Variants in EHBP1L1 observed in about 807,000 individuals in gnomAD.
EHBP1L1 encodes EH domain binding protein 1 like 1, also known as EH domain-binding protein 1-like protein 1.
In EHBP1L1, 122 loss-of-function variants were observed where a neutral mutation model predicts 151.1. The observed-to-expected ratio is 0.81, with a 90% CI of 0.70 to 0.94. The LOEUF is 0.94. EHBP1L1 is among the 40% of genes least tolerant of loss of function. The pLI is 0.00. For missense variants in EHBP1L1, 1,941 were observed against 1,959.8 expected (o/e 0.99, Z 0.18); for synonymous variants, 878 against 810.1 (o/e 1.08, Z -1.42).
rs1449188552 is a variant in EHBP1L1 at position 65,589,788 on chromosome 11, C to T, written c.3971C>T (p.Pro1324Leu). The change falls in exon 13 of 19, where the codon CCA becomes CTA. Residue 1324 changes from proline to leucine, a missense_variant. Physicochemically the swap from Pro to Leu is moderately conservative, Grantham distance 98 (BLOSUM62 -3). Transcript: ENST00000309295. ...QAPDPSPAPGPPTAADSQQPP... is the reference protein window; with the variant it reads ...QAPDPSPAPGLPTAADSQQPP... ...CCTGACCCCAGCCCTGCCCCAGGCCCACCCACAGCTGCAGACTCTCAACAG... is the reference window on the plus strand; with the variant it reads ...CCTGACCCCAGCCCTGCCCCAGGCCTACCCACAGCTGCAGACTCTCAACAG... The T allele has an allele frequency of 5.8e-6, 9 of 1,561,152 alleles. No individual in the cohort carries two copies. The highest frequency in any genetic ancestry group is 7.8e-6 in the Non-Finnish European group (9 of 1,152,616).
Position 65,581,347 on chromosome 11 carries a change from GC to G in EHBP1L1, c.845del (p.Pro282ArgfsTer7), listed in dbSNP as rs751978036. The G allele has an allele frequency of 2.5e-6, 4 of 1,584,578 alleles. No homozygotes were observed. The highest frequency in any genetic ancestry group is 2.6e-6 in the Non-Finnish European group (3 of 1,168,938). ...GCCAGGTAGGCCCTGAGGCCCCAAG[GC>G]CCCCGGAAACCTCACCAGAGATGAG... ...GGQVGPEAPR[P>X]PETSPEMRSS... is the part of the protein sequence containing the mutation. On this transcript the variant is annotated frameshift_variant, in exon 8 of 19. Transcript: ENST00000309295. LOFTEE classifies it high-confidence loss of function.
In EHBP1L1 at chr11:65,581,639, G is replaced by A. The variant is rs200700661; in HGVS notation, c.967G>A (p.Glu323Lys). Residue 323 changes from glutamate (E) to lysine (K), a missense_variant, in exon 9 of 19, where the codon GAG (glutamate) becomes AAG (lysine). Transcript: ENST00000309295. ...LRPPVPQGEDEVPKASGAPPA... is the reference protein window; with the variant it reads ...LRPPVPQGEDKVPKASGAPPA... ...GCCCCCAGTCCCCCAGGGGGAAGAT[G>A]AGGTCCCCAAAGCCTCAGGGGCTCC... is the stretch of plus-strand genomic sequence containing the variant. 86 of 1,554,142 alleles carry A rather than the reference G, an allele frequency of 5.5e-5. No homozygotes were observed. In the East Asian group the frequency reaches 1.9e-3, roughly 34 times the overall value.
chr11:65,577,160 C>T (rs896812022), intron 1 of EHBP1L1, among the ~76,000 whole-genome samples: 2 of 152,182 alleles, frequency 1.3e-5, no homozygotes, highest in Non-Finnish European at 2.9e-5. Flanking sequence ...CAGGCCCCTG[C>T]GTCACACCCT....
rs548912624 is a variant in EHBP1L1 at position 65,583,950 on chromosome 11, T to C, written c.3093+185T>C. The C allele has an allele frequency of 2.1e-6, 3 of 1,415,590 alleles. No individual in the cohort carries two copies. In the South Asian group the frequency reaches 5.0e-5, roughly 24 times the overall value. The allele number at this position is 1,415,590 out of a possible 1,614,324, so 87.7% of individuals were successfully genotyped here. ...CCTGGCTCTCTTACCCCATCTTCCC[T>C]GGGCCGCATGGAGCTGGACACCTCT... On this transcript the variant is annotated intron_variant, in intron 9 of 18. Transcript: ENST00000309295.
intron 9 of EHBP1L1, 166 bp from the exon 10 acceptor site, chr11:65,584,074 TG>T: frequency 6.9e-7 from 1 of 1,453,792 alleles, no homozygotes; most frequent in Non-Finnish European, 9.0e-7. Context: ...CAGATAACCC[TG>T]GATCTAGAAA....
rs369685229 is a variant in EHBP1L1, at chr11:65,592,046, C to T, written c.4428C>T (p.Asn1476=). 4 of 1,613,270 alleles carry T rather than the reference C, an allele frequency of 2.5e-6. No homozygotes were observed. The highest frequency in any genetic ancestry group is 2.7e-5 in the African/African-American group (2 of 74,908). ...TGGAGGAGCTGGTGTCGCTGGTGAA[C>T]CAGCGCGATGAGCTAGTCCGGGACC... ...LLLEELVSLV[N]QRDELVRDLD... Residue 1476 remains asparagine, a synonymous_variant, in exon 18 of 19, where the codon AAC becomes AAT. Coordinates refer to ENST00000309295, the MANE Select transcript of EHBP1L1 (RefSeq NM_001099409.3).
intron 12 of EHBP1L1, among the ~76,000 whole-genome samples, chr11:65,589,284 T>C (rs1289825570): frequency 6.6e-6 from 1 of 151,984 alleles, no homozygotes; most frequent in Non-Finnish European, 1.5e-5. Context: ...GGGTGGCTAC[T>C]TGGGAGGCTG....
Position 65,581,557 on chromosome 11 carries a change from C to G in EHBP1L1, c.885C>G (p.Ala295=), listed in dbSNP as rs763569250. The change falls in exon 9 of 19, where the codon GCC becomes GCG. Residue 295 remains alanine, a synonymous_variant. Transcript: ENST00000309295. Reference sequence around the variant, plus strand: ...TTCTCAGGTCTTCAAGGCAGCCAGCCCAGGACACGGCCCCCACCCCAGCCC... The same window carrying G: ...TTCTCAGGTCTTCAAGGCAGCCAGCGCAGGACACGGCCCCCACCCCAGCCC... The part of the protein sequence containing the change: ...SPEMRSSRQP[A]QDTAPTPAPR... 2.5e-5 allele frequency: 37 copies of G among 1,503,756 alleles called. 1 individual carries two copies. The highest frequency in any genetic ancestry group is 2.9e-5 in the Non-Finnish European group (33 of 1,127,998). 93.2% of individuals were successfully genotyped at this position (1,503,756 alleles called of 1,614,324 possible).
Position 65,583,460 on chromosome 11 carries a change from C to T in EHBP1L1, c.2788C>T (p.Gln930Ter), listed in dbSNP as rs1171821976. ...TTCAGGAGTACAAGGGTCAGAGACTCAAGTTCTGAGAGTCCAGGAGGCAGA... is the reference window on the plus strand; with the variant it reads ...TTCAGGAGTACAAGGGTCAGAGACTTAAGTTCTGAGAGTCCAGGAGGCAGA... ...EISGVQGSET[Q>*]VLRVQEAEAG... Residue 930 changes from glutamine to a stop codon, truncating the protein, a stop_gained, in exon 9 of 19, where the codon CAA (glutamine) becomes TAA (stop). Transcript: ENST00000309295. LOFTEE classifies it high-confidence loss of function. 6.2e-7 allele frequency: 1 copy of T among 1,613,326 alleles called. No homozygotes were observed. Among genetic ancestry groups the T allele is most frequent in the Non-Finnish European group, 8.5e-7 (1 of 1,179,724 alleles).
chr11:65,580,857 T>C, intron 6 of EHBP1L1: 3 of 1,327,716 alleles, frequency 2.3e-6, no homozygotes, highest in Non-Finnish European at 3.0e-6. Flanking sequence ...TTGTCCAGGC[T>C]TTTTCTCTGT....
Position 65,585,035 on chromosome 11 carries a change from A to G in EHBP1L1, c.3377A>G (p.Asp1126Gly). The change falls in exon 12 of 19, where the codon GAC becomes GGC. Residue 1126 changes from aspartate (D) to glycine (G), a missense_variant. By Grantham distance (94) the Asp-to-Gly change is moderately conservative. Coordinates refer to ENST00000309295, the MANE Select transcript of EHBP1L1 (RefSeq NM_001099409.3). The surrounding 1 kb of genome is among the most constrained non-coding windows in gnomAD (Gnocchi z 4.0). ...GACATGGTGCTACTGTCGGTGCCCG[A>G]CAAGCTCATCGTCATGACGTACCTG... ...PADMVLLSVPDKLIVMTYLCQ... is the reference protein window; with the variant it reads ...PADMVLLSVPGKLIVMTYLCQ... 1 of 1,537,800 alleles carries G rather than the reference A, an allele frequency of 6.5e-7. No individual in the cohort carries two copies. The highest frequency in any genetic ancestry group is 8.7e-7 in the Non-Finnish European group (1 of 1,148,384).
At position 65,582,653 on chromosome 11, in the gene EHBP1L1, T is replaced by A; in HGVS notation, c.1981T>A (p.Ser661Thr). Residue 661 changes from serine (S) to threonine (T), a missense_variant, in exon 9 of 19, where the codon TCA becomes ACA. Coordinates refer to ENST00000309295, the MANE Select transcript of EHBP1L1 (RefSeq NM_001099409.3). Reference sequence around the variant, plus strand: ...GACCCAGAAAACAGAAGCTGGGGGTTCAGGAGTTTTGCAGACAAGAACTAC... The same window carrying A: ...GACCCAGAAAACAGAAGCTGGGGGTACAGGAGTTTTGCAGACAAGAACTAC... ...LGTQKTEAGG[S>T]GVLQTRTTIA... 1 of 1,613,510 alleles carries A rather than the reference T, an allele frequency of 6.2e-7. No individual in the cohort carries two copies. Among genetic ancestry groups the A allele is most frequent in the Admixed American group, 1.7e-5 (1 of 60,008 alleles).
At chr11:65,576,428 G>A in intron 1 of EHBP1L1, 22 bp downstream of exon 1, 1 of 1,547,716 alleles carries the variant, frequency 6.5e-7, no homozygotes, top group South Asian at 1.2e-5. Context: ...GGAGGCGGGG[G>A]GGCTCCCCCG....
rs1857813353 is a variant in EHBP1L1 at position 65,584,317 on chromosome 11, T to G, written c.3170T>G (p.Val1057Gly). 6.2e-7 allele frequency: 1 copy of G among 1,611,338 alleles called. No homozygotes were observed. The change falls in exon 10 of 19, where the codon GTC (valine) becomes GGC (glycine). Residue 1057 changes from valine to glycine, a missense_variant. Coordinates refer to ENST00000309295, the MANE Select transcript of EHBP1L1 (RefSeq NM_001099409.3). ...GAAGTCACCACTGGCTACCGTGGCG[T>G]CCGCATCACCAACTTCACCACATCC... ...CQEVTTGYRG[V>G]RITNFTTSWR...
At position 65,585,300 on chromosome 11, in the gene EHBP1L1, G is replaced by T; in HGVS notation, c.3642G>T (p.Ala1214=). ...APGVASRNAV[A]GRASKDGGAE... ...GGGTGGCCTCCAGGAACGCGGTCGC[G>T]GGCCGCGCCTCCAAGGACGGCGGGG... The change falls in exon 12 of 19, where the codon GCG becomes GCT. Residue 1214 remains alanine (A), a synonymous_variant. Coordinates refer to ENST00000309295, the MANE Select transcript of EHBP1L1 (RefSeq NM_001099409.3). This position sits in a 1 kb window ranked among gnomAD's most constrained non-coding sequence, Gnocchi z 4.0. 1 of 1,075,178 alleles carries T rather than the reference G, an allele frequency of 9.3e-7. No individual in the cohort carries two copies. The highest frequency in any genetic ancestry group is 1.1e-6 in the Non-Finnish European group (1 of 887,598). The allele number at this position is 1,075,178 out of a possible 1,614,324, so 66.6% of individuals were successfully genotyped here.
Position 65,582,840 on chromosome 11 carries a change from T to C in EHBP1L1, c.2168T>C (p.Ile723Thr). Residue 723 changes from isoleucine (I) to threonine (T), a missense_variant, in exon 9 of 19, where the codon ATA becomes ACA. Physicochemically the swap from Ile to Thr is moderately conservative, Grantham distance 89. Coordinates refer to ENST00000309295, the MANE Select transcript of EHBP1L1 (RefSeq NM_001099409.3). Reference sequence around the variant, plus strand: ...GAGGCTGAGGGGACAGAAGCTAAAATATTAGGGACCCAGGAGATAACAGCT... The same window carrying C: ...GAGGCTGAGGGGACAGAAGCTAAAACATTAGGGACCCAGGAGATAACAGCT... ...ESEAEGTEAK[I>T]LGTQEITARD... 1 of 1,613,254 alleles carries C rather than the reference T, an allele frequency of 6.2e-7. No individual in the cohort carries two copies. Among genetic ancestry groups the C allele is most frequent in the Non-Finnish European group, 8.5e-7 (1 of 1,179,746 alleles).
rs888133710 is a variant in EHBP1L1, at chr11:65,576,170, G to A, written c.-133G>A. 1.5e-6 allele frequency: 1 copy of A among 672,784 alleles called. No homozygotes were observed. The highest frequency in any genetic ancestry group is 2.1e-6 in the Non-Finnish European group (1 of 471,780). The allele number at this position is 672,784 out of a possible 1,614,324, so 41.7% of individuals were successfully genotyped here. On this transcript the variant is annotated 5_prime_UTR_variant, in exon 1 of 19. Coordinates refer to ENST00000309295, the MANE Select transcript of EHBP1L1 (RefSeq NM_001099409.3). The stretch of plus-strand genomic sequence containing the variant: ...GCGGCAGCGGAGAGCGCGGTCCCGG[G>A]TCGGAGCCTGGGACACCTCCGCACG...
At position 65,584,974 on chromosome 11, in the gene EHBP1L1, G is replaced by A; in HGVS notation, c.3316G>A (p.Ala1106Thr). Reference protein sequence around the residue: ...QNNKQAFDGFAALGVSRLLEP... With the variant: ...QNNKQAFDGFTALGVSRLLEP... ...CTTCCCCTAGGCCTTCGATGGCTTC[G>A]CGGCTCTGGGCGTGTCGCGGCTGCT... Residue 1106 changes from alanine (A) to threonine (T), a missense_variant, in exon 12 of 19, where the codon GCG becomes ACG. Physicochemically the swap from Ala to Thr is moderately conservative, Grantham distance 58 (BLOSUM62 0). Transcript: ENST00000309295. 6.5e-7 allele frequency: 1 copy of A among 1,533,596 alleles called. No homozygotes were observed. The highest frequency in any genetic ancestry group is 8.7e-7 in the Non-Finnish European group (1 of 1,145,846). The allele number at this position is 1,533,596 out of a possible 1,614,324, so 95.0% of individuals were successfully genotyped here.
chr11:65,582,338 G>A lies in EHBP1L1; in HGVS notation c.1666G>A (p.Gly556Ser), dbSNP rs1217622537. 1 of 1,568,094 alleles carries A rather than the reference G, an allele frequency of 6.4e-7. No homozygotes were observed. Among genetic ancestry groups the A allele is most frequent in the Non-Finnish European group, 8.6e-7 (1 of 1,160,282 alleles). Reference sequence around the variant, plus strand: ...AACTGCCCAGGGGGCAATATCCAGGGGTCTGGGAGGCTGGGAGGCAGAAGC... The same window carrying A: ...AACTGCCCAGGGGGCAATATCCAGGAGTCTGGGAGGCTGGGAGGCAGAAGC... ...LSTAQGAISRGLGGWEAEAGG... is the reference protein window; with the variant it reads ...LSTAQGAISRSLGGWEAEAGG... Residue 556 changes from glycine (G) to serine (S), a missense_variant, in exon 9 of 19, where the codon GGT becomes AGT. By Grantham distance (56) the Gly-to-Ser change is moderately conservative (BLOSUM62 0). Coordinates refer to ENST00000309295, the MANE Select transcript of EHBP1L1 (RefSeq NM_001099409.3).
Sources: gnomAD v4.1 joint callset for allele counts (sites outside exome capture counted in the v4.1 genomes callset) on GRCh38, gnomAD v4.1.1 for gene constraint, Gnocchi (gnomAD v3.1) non-coding constraint, MANE v1.5 for transcripts, NCBI Gene and HGNC (gene_info 2026-07-23, HGNC 2026-07-21) for gene names.